RAB38: variants seen among roughly 807,000 people sequenced by gnomAD.
RAB38 encodes the protein RAB38, member RAS oncogene family, also known as ras-related protein Rab-38.
RAB38 carries 15 observed loss-of-function variants against 18.4 expected under a neutral mutation model. The observed-to-expected ratio is 0.82, with a 90% CI of 0.55 to 1.26. The LOEUF is 1.26. RAB38 is among the 50% of genes most tolerant of loss of function. The probability of loss-of-function intolerance (pLI) is 0.00; values close to 1 mark genes in which losing one functional copy is unlikely to be tolerated. For missense variants in RAB38, 294 were observed against 267.4 expected (o/e 1.10, Z -0.69); for synonymous variants, 101 against 104.4 (o/e 0.97, Z 0.20).
the RAB38 span, among the ~76,000 whole-genome samples, chr11:88,033,894 A>AT: frequency 6.6e-6 from 1 of 151,656 alleles, no homozygotes; most frequent in Non-Finnish European, 1.5e-5. Context: ...TGCCCGGTTA[A>AT]TTTTTTGTAT....
the RAB38 span, among the ~76,000 whole-genome samples, chr11:87,914,479 T>C: frequency 1.5e-4 from 23 of 152,220 alleles, no homozygotes; most frequent in African/African-American, 5.5e-4. Flanking sequence ...TATGGTTACT[T>C]TTCACTGCTC....
intron 1 of RAB38, among the ~76,000 whole-genome samples, chr11:88,164,384 T>C (rs1003801047): frequency 6.6e-6 from 1 of 152,062 alleles, no homozygotes; most frequent in Non-Finnish European, 1.5e-5. Context: ...TAGTTCACAG[T>C]GTTAACACTA....
the RAB38 span, among the ~76,000 whole-genome samples, chr11:87,806,148 TG>T: frequency 5.9e-5 from 9 of 152,290 alleles, no homozygotes; most frequent in East Asian, 1.9e-4. Flanking sequence ...GTTATGAATA[TG>T]TTTTTTTGAC....
At chr11:87,813,070 A>C in the RAB38 span, among the ~76,000 whole-genome samples, 1 of 152,184 alleles carries the variant, frequency 6.6e-6, no homozygotes, top group African/African-American at 2.4e-5. Flanking sequence ...ACCACTTCAC[A>C]TTAGTAGTAT....
At chr11:88,060,976 A>T in the RAB38 span, among the ~76,000 whole-genome samples, 1 of 152,172 alleles carries the variant, frequency 6.6e-6, no homozygotes, top group Non-Finnish European at 1.5e-5. Context: ...GAATCGGGGG[A>T]AAGATGTCTA....
the RAB38 span, among the ~76,000 whole-genome samples, chr11:88,069,315 G>A: frequency 3.9e-5 from 6 of 152,184 alleles, no homozygotes; most frequent in Non-Finnish European, 7.4e-5. Context: ...CCTGCAGCCC[G>A]CCATGCCGGA....
chr11:88,028,641 G>T, the RAB38 span, among the ~76,000 whole-genome samples: 5 of 152,162 alleles, frequency 3.3e-5, no homozygotes, highest in Admixed American at 3.3e-4. Context: ...GATGGAAGAT[G>T]AAATGAATGA....
chr11:88,059,627 A>G, the RAB38 span, among the ~76,000 whole-genome samples: 10 of 152,216 alleles, frequency 6.6e-5, no homozygotes, highest in Admixed American at 3.9e-4. Context: ...AGACTATTCA[A>G]TAATCATTAT....
the RAB38 span, among the ~76,000 whole-genome samples, chr11:88,020,910 A>G: frequency 6.6e-6 from 1 of 152,118 alleles, no homozygotes; most frequent in African/African-American, 2.4e-5. Context: ...AATGATAATG[A>G]AAACAGAACA....
chr11:88,129,818 A>G (rs1376299948), intron 2 of RAB38, among the ~76,000 whole-genome samples: 1 of 152,214 alleles, frequency 6.6e-6, no homozygotes, highest in African/African-American at 2.4e-5. Context: ...TAACAGTTAA[A>G]TGAATTAGTG....
chr11:88,126,931 C>T (rs1420054708), intron 2 of RAB38, among the ~76,000 whole-genome samples: 1 of 152,134 alleles, frequency 6.6e-6, no homozygotes, highest in Non-Finnish European at 1.5e-5. Context: ...AAATAAAGCA[C>T]TTGGAAAACA....
chr11:88,128,186 A>T (rs1942727255), intron 2 of RAB38, among the ~76,000 whole-genome samples: 1 of 152,186 alleles, frequency 6.6e-6, no homozygotes, highest in Non-Finnish European at 1.5e-5. Context: ...CTTGGTCACT[A>T]TGAGCAGATT....
At chr11:88,047,798 C>T in the RAB38 span, among the ~76,000 whole-genome samples, 1 of 152,180 alleles carries the variant, frequency 6.6e-6, no homozygotes, top group East Asian at 1.9e-4. Flanking sequence ...ATATCCCTCA[C>T]TTTCAGTTTT....
chr11:87,876,773 A>G, the RAB38 span, among the ~76,000 whole-genome samples: 1 of 151,630 alleles, frequency 6.6e-6, no homozygotes, highest in East Asian at 2.0e-4. Flanking sequence ...CTTTGGTGAA[A>G]GAGAGAAGGA....
At chr11:87,953,189 C>A in the RAB38 span, among the ~76,000 whole-genome samples, 49 of 152,180 alleles carry the variant, frequency 3.2e-4, no homozygotes, top group African/African-American at 1.1e-3. Flanking sequence ...TAGATAAAGT[C>A]ATTGTCCTTG....
At chr11:88,004,321 G>A in the RAB38 span, among the ~76,000 whole-genome samples, 6 of 150,954 alleles carry the variant, frequency 4.0e-5, no homozygotes, top group Non-Finnish European at 3.0e-5. Flanking sequence ...ACGAATGCAA[G>A]TTTGATATAA....
chr11:88,107,484 TATAC>T, the RAB38 span, among the ~76,000 whole-genome samples: 1 of 152,126 alleles, frequency 6.6e-6, no homozygotes, highest in African/African-American at 2.4e-5. Context: ...GTTTTAGCAC[TATAC>T]TAAGTGTTTT....
At chr11:87,859,610 A>G in the RAB38 span, among the ~76,000 whole-genome samples, 1 of 152,050 alleles carries the variant, frequency 6.6e-6, no homozygotes, top group Non-Finnish European at 1.5e-5. Context: ...TTAGTAAGAT[A>G]TCTTTTGGTT....
chr11:88,070,366 A>G, the RAB38 span, among the ~76,000 whole-genome samples: 1 of 152,324 alleles, frequency 6.6e-6, no homozygotes, highest in East Asian at 1.9e-4. Flanking sequence ...ACGTTTGAAC[A>G]TCAGAAGGAA....
Sources: allele counts gnomAD v4.1 joint callset (sites outside exome capture counted in the v4.1 genomes callset), GRCh38; gene constraint gnomAD v4.1.1; transcripts MANE v1.5; gene names NCBI Gene and HGNC (gene_info 2026-07-23, HGNC 2026-07-21).